TBC1D19: variants seen among roughly 807,000 people sequenced by gnomAD.
TBC1D19 encodes the protein TBC1 domain family member 19.
In TBC1D19, 60 loss-of-function variants were observed where a neutral mutation model predicts 89.0. The observed-to-expected ratio is 0.67, with a 90% CI of 0.55 to 0.84. The LOEUF is 0.84. Among genes scored for constraint, TBC1D19 ranks in the 40% least tolerant of loss-of-function variants. The pLI is 0.00. For synonymous variants in TBC1D19, 189 were observed against 199.7 expected (o/e 0.95, Z 0.45); for missense variants, 500 against 610.8 (o/e 0.82, Z 1.91).
chr4:26,709,657 T>A (rs1465075824), intron 13 of TBC1D19, among the ~76,000 whole-genome samples: 1 of 152,028 alleles, frequency 6.6e-6, no homozygotes, highest in Non-Finnish European at 1.5e-5. Flanking sequence ...GCGGCTATGC[T>A]AGAAGCTGAC....
the TBC1D19 span, among the ~76,000 whole-genome samples, chr4:26,803,257 G>C: frequency 6.6e-6 from 1 of 152,170 alleles, no homozygotes; most frequent in Non-Finnish European, 1.5e-5. Context: ...AGATTTCAGT[G>C]CACCTGACAA....
At position 26,703,960 on chromosome 4, in the gene TBC1D19, C is replaced by CAAAA. The variant is rs11453747; in HGVS notation, c.955-13960_955-13957dup. ...TGGGCAAAAGAGTGAGACTCCGTCTCAAAAAAAAAAAAAAAAGAAAAAAGA... is the reference window on the plus strand; with the variant it reads ...TGGGCAAAAGAGTGAGACTCCGTCTCAAAAAAAAAAAAAAAAAAAAGAAAAAAGA... On this transcript the variant is annotated intron_variant, in intron 13 of 20. Transcript: ENST00000264866. Among the ~76,000 whole-genome samples, 89 of 114,140 alleles carry CAAAA rather than the reference C, an allele frequency of 7.8e-4. No individual in the cohort carries two copies. The Middle Eastern group carries it at 0.014, about 18-fold the overall frequency. 74.9% of individuals were successfully genotyped at this position (114,140 alleles called of 152,430 possible). A position where few individuals can be genotyped will look rare whatever the true frequency, so the allele number is the denominator to read the frequency against.
intron 15 of TBC1D19, among the ~76,000 whole-genome samples, chr4:26,725,174 G>A (rs1445070338): frequency 6.6e-6 from 1 of 152,176 alleles, no homozygotes; most frequent in Non-Finnish European, 1.5e-5. Context: ...GGGGAGTAGG[G>A]TATGGTAGGT....
At chr4:26,593,142 T>C (rs1260966963) in intron 1 of TBC1D19, among the ~76,000 whole-genome samples, 1 of 152,120 alleles carries the variant, frequency 6.6e-6, no homozygotes, top group Non-Finnish European at 1.5e-5. Flanking sequence ...AAAACAGAGA[T>C]ATAGACCAAT....
intron 13 of TBC1D19, among the ~76,000 whole-genome samples, chr4:26,700,257 C>G (rs1340905469): frequency 6.6e-6 from 1 of 152,098 alleles, no homozygotes; most frequent in Non-Finnish European, 1.5e-5. Flanking sequence ...CCAAGAAACT[C>G]ATCCAAGAAA....
chr4:26,673,995 C>T (rs934014589), intron 11 of TBC1D19, 107 bp downstream of exon 11: 5 of 579,022 alleles, frequency 8.6e-6, no homozygotes, highest in Non-Finnish European at 6.0e-6. Flanking sequence ...CTATTATTAA[C>T]CCCCTTTTTA....
chr4:26,706,794 G>A (rs892864726), intron 13 of TBC1D19, among the ~76,000 whole-genome samples: 1 of 151,782 alleles, frequency 6.6e-6, no homozygotes, highest in South Asian at 2.1e-4. Flanking sequence ...TCCATTGGCT[G>A]TTTAAGACTG....
At chr4:26,813,051 C>T in the TBC1D19 span, among the ~76,000 whole-genome samples, 38 of 152,026 alleles carry the variant, frequency 2.5e-4, no homozygotes, top group African/African-American at 9.2e-4. Flanking sequence ...GGCCTCATCT[C>T]TAGAAAAACT....
chr4:26,590,692 T>G (rs1739711829), intron 1 of TBC1D19, among the ~76,000 whole-genome samples: 2 of 151,994 alleles, frequency 1.3e-5, no homozygotes, highest in Non-Finnish European at 2.9e-5. Context: ...ATTAACATCT[T>G]GCATTAGTGT....
At chr4:26,841,519 C>T in the TBC1D19 span, among the ~76,000 whole-genome samples, 1 of 152,146 alleles carries the variant, frequency 6.6e-6, no homozygotes, top group Non-Finnish European at 1.5e-5. Flanking sequence ...GCTGGGACAA[C>T]TGACTCTTGG....
At chr4:26,812,564 G>T in the TBC1D19 span, among the ~76,000 whole-genome samples, 2 of 152,262 alleles carry the variant, frequency 1.3e-5, no homozygotes, top group African/African-American at 4.8e-5. This position sits in a 1 kb window ranked among gnomAD's most constrained non-coding sequence, Gnocchi z 4.2. Context: ...AGGAAAAGGA[G>T]TGTGCAACTC....
At chr4:26,813,428 C>T in the TBC1D19 span, among the ~76,000 whole-genome samples, 1 of 152,136 alleles carries the variant, frequency 6.6e-6, no homozygotes. Context: ...CAATCACTGA[C>T]CTAAATTAAT....
At chr4:26,714,184 A>T (rs147411993) in intron 13 of TBC1D19, among the ~76,000 whole-genome samples, 192 of 152,254 alleles carry the variant, frequency 1.3e-3, no homozygotes, top group African/African-American at 4.2e-3. Context: ...TGTCTCTACC[A>T]AAAAAATTAA....
At chr4:26,622,103 G>T (rs994127584) in intron 4 of TBC1D19, among the ~76,000 whole-genome samples, 96 of 152,162 alleles carry the variant, frequency 6.3e-4, no homozygotes, top group African/African-American at 2.2e-3. Flanking sequence ...GTGGGGTGGG[G>T]GGAGAGGGGA....
chr4:26,692,074 T>C (rs1266415983), intron 13 of TBC1D19, among the ~76,000 whole-genome samples: 1 of 152,172 alleles, frequency 6.6e-6, no homozygotes, highest in South Asian at 2.1e-4. Context: ...TTGTGGCCCT[T>C]GAGTCATGAC....
chr4:26,606,706 C>T (rs1253175424), intron 1 of TBC1D19, among the ~76,000 whole-genome samples: 5 of 152,124 alleles, frequency 3.3e-5, no homozygotes, highest in Non-Finnish European at 1.5e-5. Context: ...TAGAAGAATT[C>T]TGTAATCACT....
chr4:26,800,747 T>C, the TBC1D19 span, among the ~76,000 whole-genome samples: 2 of 152,250 alleles, frequency 1.3e-5, no homozygotes, highest in African/African-American at 4.8e-5. Context: ...TGCATTTCTC[T>C]GTTTGCCAGT....
the TBC1D19 span, among the ~76,000 whole-genome samples, chr4:26,810,478 C>T: frequency 6.6e-6 from 1 of 152,184 alleles, no homozygotes; most frequent in Non-Finnish European, 1.5e-5. Context: ...CAGGCCTCTT[C>T]TCCCCATCCA....
the TBC1D19 span, among the ~76,000 whole-genome samples, chr4:26,837,589 TA>T: frequency 6.6e-6 from 1 of 152,234 alleles, no homozygotes; most frequent in African/African-American, 2.4e-5. Context: ...TCATTTGATT[TA>T]AATTCCAATC....
Sources: allele counts gnomAD v4.1 joint callset (sites outside exome capture counted in the v4.1 genomes callset), GRCh38; gene constraint gnomAD v4.1.1; non-coding constraint Gnocchi (gnomAD v3.1); transcripts MANE v1.5; gene names NCBI Gene and HGNC (gene_info 2026-07-23, HGNC 2026-07-21).